Variants in MEIS3 observed in about 807,000 individuals in gnomAD.
MEIS3 encodes Meis homeobox 3.
A neutral mutation model predicts 51.4 loss-of-function variants in MEIS3; 38 were observed. The ratio of observed to expected loss-of-function variants is 0.74; its 90% confidence interval spans 0.57 to 0.97. MEIS3 has a LOEUF of 0.97. MEIS3 is among the 50% of genes least tolerant of loss of function. The pLI, the probability that MEIS3 is intolerant of heterozygous loss-of-function variation, is 0.00. For synonymous variants in MEIS3, 198 were observed against 201.8 expected (o/e 0.98, Z 0.16); for missense variants, 456 against 502.6 (o/e 0.91, Z 0.89).
upstream of MEIS3, among the ~76,000 whole-genome samples, chr19:47,421,277 T>A (rs936918880): frequency 6.6e-6 from 1 of 152,050 alleles, no homozygotes; most frequent in Non-Finnish European, 1.5e-5. Flanking sequence ...CCTCTATGAG[T>A]AGATCTGGGG....
chr19:47,420,878 C>CGTCTCTGT (rs1363573954), upstream of MEIS3, among the ~76,000 whole-genome samples: 1 of 129,872 alleles, frequency 7.7e-6, no homozygotes, highest in East Asian at 2.5e-4. Flanking sequence ...TCTGTCTGTC[C>CGTCTCTGT]GTCTCTGTCT....
At chr19:47,418,619 A>C (rs768381237) in intron 1 of MEIS3, 3 of 153,156 alleles carry the variant, frequency 2.0e-5, no homozygotes, top group Non-Finnish European at 2.9e-5. Context: ...GGAAGGACGG[A>C]GGAGAGCAGA....
chr19:47,421,079 C>T (rs1249901159), upstream of MEIS3, among the ~76,000 whole-genome samples: 2 of 151,730 alleles, frequency 1.3e-5, no homozygotes, highest in African/African-American at 4.8e-5. Context: ...TGTGTCACTG[C>T]GTCGCGGCTG....
chr19:47,413,910 T>C (rs1971262923), intron 6 of MEIS3, among the ~76,000 whole-genome samples: 1 of 150,914 alleles, frequency 6.6e-6, no homozygotes, highest in South Asian at 2.1e-4. Context: ...TTTTTTTTTG[T>C]ATTTTTAGTA....
upstream of MEIS3, among the ~76,000 whole-genome samples, chr19:47,420,975 T>TCTCTCTCTCTCTCTCTCTCTCTC (rs1568434395): frequency 1.8e-4 from 14 of 79,150 alleles, no homozygotes; most frequent in African/African-American, 6.6e-4. Context: ...CTCTCTCTCT[T>TCTCTCTCTCTCTCTCTCTCTCTC]CCTGGCTGTC....
At position 47,414,236 on chromosome 19, in the gene MEIS3, G is replaced by A. The variant is rs114546431; in HGVS notation, c.597+481C>T. Among the ~76,000 whole-genome samples the A allele has an allele frequency of 2.6e-3, 399 of 152,196 alleles. 3 individuals carry two copies. Among genetic ancestry groups the A allele is most frequent in the African/African-American group, 8.8e-3 (364 of 41,510 alleles). The stretch of plus-strand genomic sequence containing the variant: ...AAGTGTGGTTATATCTGAGTTTGCC[G>A]GGCAGTACCTGGGGCTGTTTGGCTC... On this transcript the variant is annotated intron_variant, in intron 6 of 12. Coordinates refer to ENST00000558555, the MANE Select transcript of MEIS3 (RefSeq NM_001301059.2).
chr19:47,409,402 C>T, intron 7 of MEIS3, 34 bp downstream of exon 7: 3 of 1,588,598 alleles, frequency 1.9e-6, no homozygotes, highest in Admixed American at 1.7e-5. Flanking sequence ...CTGGTTGACT[C>T]CCATGTTTCC....
chr19:47,414,911 G>A, intron 5 of MEIS3, 45 bp from the exon 6 acceptor site: 2 of 1,295,782 alleles, frequency 1.5e-6, no homozygotes, highest in South Asian at 2.5e-5. Flanking sequence ...CACGGGGGCA[G>A]GGCGGGGGTG....
At position 47,417,320 on chromosome 19, in the gene MEIS3, C is replaced by CGATGCCTGGGTAGT; in HGVS notation, c.29_42dup (p.Val15ThrfsTer44). On this transcript the variant is annotated frameshift_variant, in exon 2 of 13. Coordinates refer to ENST00000558555, the MANE Select transcript of MEIS3 (RefSeq NM_001301059.2). LOFTEE classifies it high-confidence loss of function. ...CTAGCCAGGGCTGCGGGGCCATCCA[C>CGATGCCTGGGTAGT]GATGCCTGGGTAGTGCGGCAGCTCA... is the stretch of plus-strand genomic sequence containing the variant. 6.2e-7 allele frequency: 1 copy of CGATGCCTGGGTAGT among 1,613,638 alleles called. No homozygotes were observed. The highest frequency in any genetic ancestry group is 1.3e-5 in the African/African-American group (1 of 75,040).
upstream of MEIS3, among the ~76,000 whole-genome samples, chr19:47,422,150 G>T (rs1180202864): frequency 6.6e-6 from 1 of 151,574 alleles, no homozygotes; most frequent in Middle Eastern, 3.2e-3. Context: ...ACAAATGCCT[G>T]CCGCCCCCTT....
chr19:47,419,162 A>G lies in MEIS3; in HGVS notation c.-81T>C. ...GCGCAGCCCGGGGCCGCAGCCCCTG[A>G]CGGCCCGCGGTGTTGACGCCAGGGG... is the stretch of plus-strand genomic sequence containing the variant. On this transcript the variant is annotated 5_prime_UTR_variant, in exon 1 of 13. Transcript: ENST00000558555. 1.8e-6 allele frequency: 2 copies of G among 1,088,930 alleles called. No homozygotes were observed. Among genetic ancestry groups the G allele is most frequent in the Non-Finnish European group, 1.2e-6 (1 of 859,396 alleles). 67.5% of individuals were successfully genotyped at this position (1,088,930 alleles called of 1,614,324 possible).
chr19:47,421,021 G>T (rs73065366), upstream of MEIS3, among the ~76,000 whole-genome samples: 1 of 150,130 alleles, frequency 6.7e-6, no homozygotes, highest in Non-Finnish European at 1.5e-5. Flanking sequence ...CTGTTCCCAG[G>T]GGGAGGGAGC....
upstream of MEIS3, among the ~76,000 whole-genome samples, chr19:47,421,543 G>A (rs749130593): frequency 3.9e-5 from 6 of 152,098 alleles, no homozygotes; most frequent in Admixed American, 1.3e-4. Flanking sequence ...TTTATCAACC[G>A]CTCTGTGTCT....
intron 4 of MEIS3, among the ~76,000 whole-genome samples, chr19:47,415,571 CTCTTTT>C (rs921516443): frequency 8.2e-6 from 1 of 122,172 alleles, no homozygotes; most frequent in East Asian, 2.3e-4. Context: ...CTCTCTCTCT[CTCTTTT>C]TTTTTTTTTT....
chr19:47,409,573 T>C (rs1372120590), intron 6 of MEIS3, 26 bp from the exon 7 acceptor site: 3 of 1,583,960 alleles, frequency 1.9e-6, no homozygotes, highest in Non-Finnish European at 2.6e-6. Context: ...TAGAAGTTAG[T>C]GCCAAGGCGG....
At chr19:47,407,709 C>T (rs936364935) in intron 8 of MEIS3, 6 of 400,420 alleles carry the variant, frequency 1.5e-5, no homozygotes, top group African/African-American at 6.4e-5. Flanking sequence ...GCTCCTGTGG[C>T]GTGGGGGAGG....
Position 47,416,893 on chromosome 19 carries a change from C to G in MEIS3, c.256G>C (p.Gly86Arg). 6.2e-7 allele frequency: 1 copy of G among 1,613,656 alleles called. No individual in the cohort carries two copies. The highest frequency in any genetic ancestry group is 2.2e-5 in the East Asian group (1 of 44,866). Residue 86 changes from glycine (G) to arginine (R), a missense_variant, in exon 3 of 13, where the codon GGG (glycine) becomes CGG (arginine). Transcript: ENST00000558555. ...GGTGTCCCCAGCCCAGCTCCGGCCC[C>G]GTCACGGGGAGAGCATGTAGCCAGT... ...CELATCSPRD[G>R]AGAGLGTPPG...
rs2122579386 is a variant in MEIS3, at chr19:47,419,128, C to T, written c.-47G>A. 10 of 1,220,812 alleles carry T rather than the reference C, an allele frequency of 8.2e-6. No individual in the cohort carries two copies. The highest frequency in any genetic ancestry group is 6.4e-5 in the East Asian group (2 of 31,026). The allele number at this position is 1,220,812 out of a possible 1,614,324, so 75.6% of individuals were successfully genotyped here. A position where few individuals can be genotyped will look rare whatever the true frequency, so the allele number is the denominator to read the frequency against. On this transcript the variant is annotated 5_prime_UTR_variant, in exon 1 of 13. Coordinates refer to ENST00000558555, the MANE Select transcript of MEIS3 (RefSeq NM_001301059.2). ...CCTGGGTCCCTCCAGAGCCTGGCCG[C>T]GGGGGAGGGCGCAGCCCGGGGCCGC...
chr19:47,420,053 T>C (rs1331503879), upstream of MEIS3, among the ~76,000 whole-genome samples: 2 of 152,148 alleles, frequency 1.3e-5, no homozygotes, highest in Non-Finnish European at 1.5e-5. Context: ...GGGTCTTGGC[T>C]GAGTCTGGGG....
Sources: gnomAD v4.1 joint callset for allele counts (sites outside exome capture counted in the v4.1 genomes callset) on GRCh38, gnomAD v4.1.1 for gene constraint, MANE v1.5 for transcripts, NCBI Gene and HGNC (gene_info 2026-07-23, HGNC 2026-07-21) for gene names.